SHISA9: variants seen among roughly 807,000 people sequenced by gnomAD.
SHISA9 encodes shisa family member 9, also known as protein shisa-9.
In SHISA9, 13 loss-of-function variants were observed where a neutral mutation model predicts 38.0. That is an observed-to-expected ratio of 0.34 (90% CI 0.22 to 0.54). The LOEUF is 0.54. Among genes scored for constraint, SHISA9 ranks in the 20% least tolerant of loss-of-function variants. The probability of loss-of-function intolerance (pLI) is 0.91; values close to 1 mark genes in which losing one functional copy is unlikely to be tolerated. For missense variants in SHISA9, 538 were observed against 575.8 expected, an observed-to-expected ratio of 0.93 and a Z score of 0.67; for synonymous variants, 275 against 242.0, an observed-to-expected ratio of 1.14 and a Z score of -1.27.
chr16:13,539,421 C>T, the SHISA9 span, among the ~76,000 whole-genome samples: 1 of 143,214 alleles, frequency 7.0e-6, no homozygotes, highest in African/African-American at 2.5e-5. Context: ...AGCAAGCCTC[C>T]TGCTTTGGCC....
At chr16:13,303,042 C>A in the SHISA9 span, among the ~76,000 whole-genome samples, 1 of 152,188 alleles carries the variant, frequency 6.6e-6, no homozygotes, top group Non-Finnish European at 1.5e-5. Context: ...CTCGGGTATT[C>A]CTTTGTAGCA....
chr16:13,260,439 GA>G, the SHISA9 span, among the ~76,000 whole-genome samples: 1 of 152,120 alleles, frequency 6.6e-6, no homozygotes, highest in African/African-American at 2.4e-5. Context: ...TTGCTGCTTA[GA>G]AATTTCTTCC....
intron 2 of SHISA9, among the ~76,000 whole-genome samples, chr16:13,055,107 C>A (rs4781390): frequency 0.18 from 27,060 of 152,110 alleles, 2,751 homozygotes; most frequent in Admixed American, 0.25. Context: ...AATAATAGCT[C>A]ACACTCTTAG....
At chr16:13,219,415 A>G (rs2051201073) in intron 4 of SHISA9, among the ~76,000 whole-genome samples, 1 of 152,210 alleles carries the variant, frequency 6.6e-6, no homozygotes, top group Admixed American at 6.5e-5. Flanking sequence ...GAAGTCTGGA[A>G]ACCTGTATTC....
At chr16:13,196,894 G>A (rs1317732526) in intron 2 of SHISA9, among the ~76,000 whole-genome samples, 1 of 152,194 alleles carries the variant, frequency 6.6e-6, no homozygotes, top group Non-Finnish European at 1.5e-5. Context: ...AGGAGTTCAG[G>A]ACCAGCCTGG....
Position 13,114,488 on chromosome 16 carries a change from A to AG in SHISA9, c.692-88905dup, listed in dbSNP as rs1483750949. ...CTCAAAAAAAAAAAAAAAAAAAAAA[A>AG]GACGAAAAATACGAAGAACTAGGTA... is the stretch of plus-strand genomic sequence containing the variant. On this transcript the variant is annotated intron_variant, in intron 2 of 4. Transcript: ENST00000558583. Among the ~76,000 whole-genome samples, 331 of 149,548 alleles carry AG rather than the reference A, an allele frequency of 2.2e-3. 13 individuals are homozygous for AG. The East Asian group carries it at 0.052, about 23-fold the overall frequency.
chr16:13,305,537 C>T, the SHISA9 span, among the ~76,000 whole-genome samples: 2 of 152,202 alleles, frequency 1.3e-5, no homozygotes, highest in African/African-American at 2.4e-5. Context: ...CTTGCTTGCT[C>T]TGCTGGAATC....
At chr16:13,519,287 T>C in the SHISA9 span, among the ~76,000 whole-genome samples, 1 of 152,216 alleles carries the variant, frequency 6.6e-6, no homozygotes, top group Non-Finnish European at 1.5e-5. Flanking sequence ...GCCTCAATAA[T>C]TTCTTTTAAT....
intron 2 of SHISA9, among the ~76,000 whole-genome samples, chr16:13,011,215 G>C: frequency 6.6e-6 from 1 of 151,470 alleles, no homozygotes; most frequent in Non-Finnish European, 1.5e-5. Context: ...ATTTTATTGT[G>C]TATATTTAAG....
chr16:12,937,634 T>G (rs541364316), intron 2 of SHISA9, among the ~76,000 whole-genome samples: 1 of 152,344 alleles, frequency 6.6e-6, no homozygotes, highest in East Asian at 1.9e-4. Context: ...GCCACCTTCT[T>G]GCTGTGTCCT....
At chr16:13,272,374 T>A in the SHISA9 span, among the ~76,000 whole-genome samples, 1 of 152,062 alleles carries the variant, frequency 6.6e-6, no homozygotes, top group Non-Finnish European at 1.5e-5. Context: ...TAAAACCTCA[T>A]TTCTTTTTTT....
At chr16:13,471,569 G>C in the SHISA9 span, among the ~76,000 whole-genome samples, 14 of 152,140 alleles carry the variant, frequency 9.2e-5, no homozygotes, top group Non-Finnish European at 1.6e-4. Flanking sequence ...TTCCCCTGCA[G>C]TGACAACCTT....
intron 2 of SHISA9, among the ~76,000 whole-genome samples, chr16:13,010,749 C>A (rs769599224): frequency 1.3e-5 from 2 of 152,066 alleles, no homozygotes; most frequent in Non-Finnish European, 2.9e-5. Context: ...GTCAGGAGTT[C>A]GAGACCGGTC....
At chr16:13,229,827 A>G (rs1283014813) in intron 4 of SHISA9, among the ~76,000 whole-genome samples, 1 of 152,182 alleles carries the variant, frequency 6.6e-6, no homozygotes, top group Non-Finnish European at 1.5e-5. Context: ...GAGGGAGGCA[A>G]TATCTCAGCT....
chr16:13,026,105 TAAC>T (rs1443050182), intron 2 of SHISA9, among the ~76,000 whole-genome samples: 34 of 152,198 alleles, frequency 2.2e-4, no homozygotes, highest in Non-Finnish European at 4.0e-4. Context: ...GCGCCCACCT[TAAC>T]AACATTTTAA....
the SHISA9 span, among the ~76,000 whole-genome samples, chr16:13,456,687 A>T: frequency 6.6e-6 from 1 of 152,314 alleles, no homozygotes; most frequent in East Asian, 1.9e-4. Flanking sequence ...GCCATACGTT[A>T]TCAGTTCTAC....
At chr16:13,045,820 C>T (rs568090566) in intron 2 of SHISA9, among the ~76,000 whole-genome samples, 2 of 152,248 alleles carry the variant, frequency 1.3e-5, no homozygotes, top group African/African-American at 2.4e-5. Context: ...TGTCCTTCTC[C>T]AAGCTGCAGC....
chr16:13,553,943 G>A, the SHISA9 span, among the ~76,000 whole-genome samples: 7 of 152,234 alleles, frequency 4.6e-5, no homozygotes, highest in African/African-American at 1.7e-4. Context: ...ACCAGTCACG[G>A]CTGTAAAGGA....
At chr16:13,449,205 T>C in the SHISA9 span, among the ~76,000 whole-genome samples, 1 of 152,160 alleles carries the variant, frequency 6.6e-6, no homozygotes, top group Non-Finnish European at 1.5e-5. Context: ...ATATACAATA[T>C]AGTCTCAAGT....
Sources: allele counts gnomAD v4.1 joint callset (sites outside exome capture counted in the v4.1 genomes callset), GRCh38; gene constraint gnomAD v4.1.1; transcripts MANE v1.5; gene names NCBI Gene and HGNC (gene_info 2026-07-23, HGNC 2026-07-21).